CA3: variants seen among roughly 807,000 people sequenced by gnomAD.
CA3 encodes the protein carbonic anhydrase 3.
Under a neutral mutation model 35.7 loss-of-function variants are expected in CA3, and 30 were observed. The observed-to-expected ratio is 0.84, with a 90% CI of 0.63 to 1.14. The LOEUF is 1.14. Among genes scored for constraint, CA3 ranks in the 50% most tolerant of loss-of-function variants. CA3 has a pLI of 0.00. For missense variants in CA3, 295 were observed against 328.5 expected (o/e 0.90, Z 0.79); for synonymous variants, 131 against 130.8 (o/e 1.00, Z -0.01).
chr8:85,443,382 T>C (rs779751723), intron 3 of CA3, among the ~76,000 whole-genome samples: 5 of 152,200 alleles, frequency 3.3e-5, no homozygotes, highest in Non-Finnish European at 5.9e-5. Context: ...CTGGTTAACA[T>C]AGGGGCTGTG....
At chr8:85,446,082 T>C (rs1811284837) in intron 5 of CA3, 60 bp from the exon 6 acceptor site, 5 of 1,433,568 alleles carry the variant, frequency 3.5e-6, no homozygotes, top group Non-Finnish European at 4.7e-6. Context: ...GTGAGGGCAT[T>C]GGGGTGGGTG....
intron 6 of CA3, among the ~76,000 whole-genome samples, chr8:85,447,557 G>A (rs990503658): frequency 6.6e-6 from 1 of 152,182 alleles, no homozygotes; most frequent in South Asian, 2.1e-4. Context: ...AATAGCTCTG[G>A]ACTGGACACT....
At position 85,448,111 on chromosome 8, in the gene CA3, A is replaced by G; in HGVS notation, c.741A>G (p.Pro247=). 6.2e-7 allele frequency: 1 copy of G among 1,613,600 alleles called. No individual in the cohort carries two copies. Among genetic ancestry groups the G allele is most frequent in the Non-Finnish European group, 8.5e-7 (1 of 1,179,782 alleles). ...CTCTTGTGAGCAACTGGCGACCTCC[A>G]CAGCCTATCAATAACAGGGTGGTGA... The part of the protein sequence containing the change: ...PVPLVSNWRP[P]QPINNRVVRA... Residue 247 remains proline, a synonymous_variant, in exon 7 of 7, where the codon CCA becomes CCG. Coordinates refer to ENST00000285381, the MANE Select transcript of CA3 (RefSeq NM_005181.4).
At chr8:85,446,371 A>G in intron 6 of CA3, 74 bp downstream of exon 6, 2 of 1,502,360 alleles carry the variant, frequency 1.3e-6, no homozygotes, top group Non-Finnish European at 1.8e-6. Flanking sequence ...AATCAAAAAT[A>G]CATAGCTACT....
In CA3 at chr8:85,439,877, G is replaced by A. The variant is rs772237863; in HGVS notation, c.200G>A (p.Arg67Gln). 3 of 1,613,490 alleles carry A rather than the reference G, an allele frequency of 1.9e-6. No homozygotes were observed. The highest frequency in any genetic ancestry group is 1.3e-5 in the African/African-American group (1 of 75,022). Residue 67 changes from arginine (R) to glutamine (Q), a missense_variant, in exon 2 of 7, where the codon CGA becomes CAA. Physicochemically the swap from Arg to Gln is conservative, Grantham distance 43. Transcript: ENST00000285381. ...KTILNNGKTC[R>Q]VVFDDTYDRS... Reference sequence around the variant, plus strand: ...ATCCTGAATAATGGGAAGACCTGCCGAGTTGTATTTGATGATACTTATGAT... The same window carrying A: ...ATCCTGAATAATGGGAAGACCTGCCAAGTTGTATTTGATGATACTTATGAT...
intron 6 of CA3, among the ~76,000 whole-genome samples, 180 bp downstream of exon 6, chr8:85,446,477 C>T (rs1049091160): frequency 2.0e-5 from 3 of 152,144 alleles, no homozygotes; most frequent in African/African-American, 7.2e-5. Context: ...AACTTGGCCC[C>T]CAAAGGGTAC....
chr8:85,441,495 G>T (rs1045778836), intron 2 of CA3, among the ~76,000 whole-genome samples: 3 of 152,218 alleles, frequency 2.0e-5, no homozygotes. Flanking sequence ...GAAGCAACAC[G>T]TGGAGAAGGA....
At position 85,442,304 on chromosome 8, in the gene CA3, G is replaced by A. The variant is rs79373558; in HGVS notation, c.351+113G>A. 1,872 of 724,458 alleles carry A rather than the reference G, an allele frequency of 2.6e-3. 29 individuals are homozygous for A. In the African/African-American group the frequency reaches 0.028, roughly 11 times the overall value. The allele number at this position is 724,458 out of a possible 1,614,324, so 44.9% of individuals were successfully genotyped here. The stretch of plus-strand genomic sequence containing the variant: ...CCACTGCTTTTGTTTCAAGTCTATA[G>A]TTATGAAAAGAGCTGTACTAGTTTT... On this transcript the variant is annotated intron_variant, in intron 3 of 6. Transcript: ENST00000285381.
At chr8:85,442,728 C>G (rs541700342) in intron 3 of CA3, among the ~76,000 whole-genome samples, 1 of 151,974 alleles carries the variant, frequency 6.6e-6, no homozygotes, top group South Asian at 2.1e-4. Context: ...AAGAAAAACC[C>G]TAAAAGTTAG....
chr8:85,446,138 C>A lies in CA3; in HGVS notation c.508-4C>A. The stretch of plus-strand genomic sequence containing the variant: ...CACTGCACCTGCAACCTGCTCTTAC[C>A]CAGGGCAAGGAGGCGCCCTTCACAA... On this transcript the variant is annotated splice_polypyrimidine_tract_variant and splice_region_variant and intron_variant, in intron 5 of 6. Transcript: ENST00000285381. The A allele has an allele frequency of 6.2e-7, 1 of 1,602,168 alleles. No homozygotes were observed. The highest frequency in any genetic ancestry group is 2.3e-5 in the East Asian group (1 of 44,426).
intron 6 of CA3, 128 bp downstream of exon 6, chr8:85,446,425 G>T: frequency 9.2e-7 from 1 of 1,083,800 alleles, no homozygotes; most frequent in Non-Finnish European, 1.3e-6. Flanking sequence ...TAATTTCATG[G>T]TCTGCCCTGG....
At chr8:85,442,273 C>T (rs1811218762) in intron 3 of CA3, 82 bp downstream of exon 3, 1 of 794,798 alleles carries the variant, frequency 1.3e-6, no homozygotes, top group East Asian at 2.4e-5. Flanking sequence ...AGCAACAAAG[C>T]ATCATCCACT....
In CA3 at chr8:85,438,959, C is replaced by T. The variant is rs574700057; in HGVS notation, c.34+16C>T. On this transcript the variant is annotated intron_variant, in intron 1 of 6. Coordinates refer to ENST00000285381, the MANE Select transcript of CA3 (RefSeq NM_005181.4). ...AGTCACAACGGTGAGTGCAGGCAGCCGCGACCCGGCCAGGAAGGGATGCCA... is the reference window on the plus strand; with the variant it reads ...AGTCACAACGGTGAGTGCAGGCAGCTGCGACCCGGCCAGGAAGGGATGCCA... The T allele has an allele frequency of 2.6e-6, 4 of 1,550,918 alleles. No homozygotes were observed. The South Asian group carries it at 4.8e-5, about 18-fold the overall frequency.
intron 6 of CA3, 89 bp from the exon 7 acceptor site, chr8:85,447,945 A>T: frequency 8.0e-7 from 1 of 1,249,464 alleles, no homozygotes; most frequent in Non-Finnish European, 1.1e-6. Flanking sequence ...ACAACAAAAA[A>T]AACCCCAGCA....
At chr8:85,447,963 T>C (rs532778748) in intron 6 of CA3, 71 bp from the exon 7 acceptor site, 2 of 1,461,340 alleles carry the variant, frequency 1.4e-6, no homozygotes, top group South Asian at 1.3e-5. Context: ...GCAGTATTTA[T>C]ACCTCTTTGT....
intron 3 of CA3, among the ~76,000 whole-genome samples, chr8:85,442,682 CAGCCT>C (rs1248885407): frequency 3.9e-5 from 6 of 152,122 alleles, no homozygotes; most frequent in African/African-American, 1.4e-4. Context: ...CACTTCACTC[CAGCCT>C]GAGCAACAGA....
chr8:85,446,424 G>A, intron 6 of CA3, 127 bp downstream of exon 6: 1 of 1,080,874 alleles, frequency 9.3e-7, no homozygotes, highest in Non-Finnish European at 1.3e-6. Context: ...GTAATTTCAT[G>A]GTCTGCCCTG....
At chr8:85,447,920 C>A (rs1359436198) in intron 6 of CA3, 114 bp from the exon 7 acceptor site, 3 of 1,008,864 alleles carry the variant, frequency 3.0e-6, no homozygotes, top group Non-Finnish European at 4.3e-6. Context: ...AACAAACAAA[C>A]AAACAAAAAA....
At chr8:85,442,745 G>C (rs1811225471) in intron 3 of CA3, among the ~76,000 whole-genome samples, 3 of 152,056 alleles carry the variant, frequency 2.0e-5, no homozygotes, top group Admixed American at 2.0e-4. Context: ...TTAGAAATTG[G>C]ATAGCTACTT....
Sources: allele counts gnomAD v4.1 joint callset (sites outside exome capture counted in the v4.1 genomes callset), GRCh38; gene constraint gnomAD v4.1.1; transcripts MANE v1.5; gene names NCBI Gene and HGNC (gene_info 2026-07-23, HGNC 2026-07-21).